TBC1D9B: variants seen among roughly 807,000 people sequenced by gnomAD.
TBC1D9B encodes TBC1 domain family member 9B.
Under a neutral mutation model 121.1 loss-of-function variants are expected in TBC1D9B, and 87 were observed. That is an observed-to-expected ratio of 0.72 (90% CI 0.60 to 0.86). The LOEUF (loss-of-function observed/expected upper bound fraction) is 0.86. Ranked by LOEUF, TBC1D9B falls within the 40% of genes least tolerant of loss-of-function variation. The pLI is 0.00. For synonymous variants in TBC1D9B, 668 were observed against 670.1 expected (o/e 1.00, Z 0.05); for missense variants, 1,540 against 1,628.6 (o/e 0.95, Z 0.94).
intron 7 of TBC1D9B, among the ~76,000 whole-genome samples, chr5:179,886,577 C>T (rs988416028): frequency 2.0e-5 from 3 of 152,216 alleles, no homozygotes; most frequent in African/African-American, 4.8e-5. Context: ...CCTTCCCATG[C>T]GCTCACTGAC....
rs1759903415 is a variant in TBC1D9B, at chr5:179,863,397, G to A, written c.*51C>T. 6.4e-7 allele frequency: 1 copy of A among 1,566,766 alleles called. No homozygotes were observed. Among genetic ancestry groups the A allele is most frequent in the South Asian group, 1.2e-5 (1 of 83,894 alleles). On this transcript the variant is annotated 3_prime_UTR_variant, in exon 21 of 21. Coordinates refer to ENST00000355235, the MANE Select transcript of TBC1D9B (RefSeq NM_015043.4). The surrounding 1 kb of genome is among the most constrained non-coding windows in gnomAD (Gnocchi z 4.5). ...TAAGGGAGGAAAGGCAGGAGGAGAT[G>A]AGGCCAGCCCCACTGATGACACCTT... is the stretch of plus-strand genomic sequence containing the variant.
Position 179,904,089 on chromosome 5 carries a change from C to G in TBC1D9B, c.229+613G>C, listed in dbSNP as rs958977729. Among the ~76,000 whole-genome samples the G allele has an allele frequency of 1.3e-5, 2 of 152,192 alleles. No individual in the cohort carries two copies. Among genetic ancestry groups the G allele is most frequent in the African/African-American group, 4.8e-5 (2 of 41,448 alleles). Reference sequence around the variant, plus strand: ...ATATGGAATCTTTGAATGAGGCCGACTACGTCTACCTTGAGAAAAGGTGGC... The same window carrying G: ...ATATGGAATCTTTGAATGAGGCCGAGTACGTCTACCTTGAGAAAAGGTGGC... On this transcript the variant is annotated intron_variant, in intron 2 of 20. Transcript: ENST00000355235. This position sits in a 1 kb window ranked among gnomAD's most constrained non-coding sequence, Gnocchi z 4.2.
chr5:179,863,588 C>A lies in TBC1D9B; in HGVS notation c.3562G>T (p.Ala1188Ser). 1 of 1,614,160 alleles carries A rather than the reference C, an allele frequency of 6.2e-7. No homozygotes were observed. The highest frequency in any genetic ancestry group is 1.6e-4 in the Middle Eastern group (1 of 6,062). Residue 1188 changes from alanine (A) to serine (S), a missense_variant, in exon 21 of 21, where the codon GCC becomes TCC. Coordinates refer to ENST00000355235, the MANE Select transcript of TBC1D9B (RefSeq NM_015043.4). The surrounding 1 kb of genome is among the most constrained non-coding windows in gnomAD (Gnocchi z 4.5). Reference protein sequence around the residue: ...DWCISFEQILASILTESVLVN... With the variant: ...DWCISFEQILSSILTESVLVN... ...AGCACGGACTCCGTCAGGATGGAGGCCAGGATCTGCTCAAAGGAGATGCAC... is the reference window on the plus strand; with the variant it reads ...AGCACGGACTCCGTCAGGATGGAGGACAGGATCTGCTCAAAGGAGATGCAC...
Position 179,890,665 on chromosome 5 carries a change from T to C in TBC1D9B, c.1044+714A>G, listed in dbSNP as rs746045335. Among the ~76,000 whole-genome samples, 33 of 152,206 alleles carry C rather than the reference T, an allele frequency of 2.2e-4. 1 individual carries two copies. Among genetic ancestry groups the C allele is most frequent in the Non-Finnish European group, 4.1e-4 (28 of 68,028 alleles). ...GTTAAGAATCTCACTTGATTCTTCT[T>C]ATAATTAAACAGTCAGAGCCCTGCT... On this transcript the variant is annotated intron_variant, in intron 6 of 20. Transcript: ENST00000355235. This position sits in a 1 kb window ranked among gnomAD's most constrained non-coding sequence, Gnocchi z 5.0.
At chr5:179,868,399 T>A (rs1760084735) in intron 17 of TBC1D9B, 1 of 152,278 alleles carries the variant, frequency 6.6e-6, no homozygotes. Context: ...CAGGCTGGTC[T>A]CCAACTCCTG....
Position 179,869,841 on chromosome 5 carries a change from A to G in TBC1D9B, c.2726-7T>C. The G allele has an allele frequency of 6.5e-7, 1 of 1,544,126 alleles. No homozygotes were observed. The highest frequency in any genetic ancestry group is 2.3e-5 in the East Asian group (1 of 44,232). The stretch of plus-strand genomic sequence containing the variant: ...TCCCCGTGGTACATCCCGCCTGTGG[A>G]GAAGGCCAGGGAGGGCTGGGTCTGG... On this transcript the variant is annotated splice_polypyrimidine_tract_variant and splice_region_variant and intron_variant, in intron 16 of 20. Coordinates refer to ENST00000355235, the MANE Select transcript of TBC1D9B (RefSeq NM_015043.4).
chr5:179,870,598 C>A, intron 15 of TBC1D9B, 103 bp from the exon 16 acceptor site: 1 of 1,457,644 alleles, frequency 6.9e-7, no homozygotes, highest in Non-Finnish European at 9.0e-7. Flanking sequence ...TCCAAGCCTG[C>A]GGAGCCCTGG....
rs1331396539 is a variant in TBC1D9B at position 179,904,585 on chromosome 5, G to A, written c.229+117C>T. 2.2e-6 allele frequency: 2 copies of A among 889,656 alleles called. No individual in the cohort carries two copies. The highest frequency in any genetic ancestry group is 3.5e-6 in the Non-Finnish European group (2 of 566,902). 55.1% of individuals were successfully genotyped at this position (889,656 alleles called of 1,614,324 possible). ...CTCCACTTCCCTCTTGCAGCCTTGG[G>A]CTATGCTGTCAGCAGGGAATACCAC... On this transcript the variant is annotated intron_variant, in intron 2 of 20. Transcript: ENST00000355235. This position sits in a 1 kb window ranked among gnomAD's most constrained non-coding sequence, Gnocchi z 4.2.
chr5:179,882,113 T>G (rs111757286), intron 7 of TBC1D9B, among the ~76,000 whole-genome samples: 2 of 151,864 alleles, frequency 1.3e-5, no homozygotes, highest in African/African-American at 4.8e-5. Flanking sequence ...CCCGGCTAAT[T>G]TTTGTATTTT....
Position 179,865,761 on chromosome 5 carries a change from G to T in TBC1D9B, c.2914+77C>A. On this transcript the variant is annotated intron_variant, in intron 19 of 20. Transcript: ENST00000355235. This position sits in a 1 kb window ranked among gnomAD's most constrained non-coding sequence, Gnocchi z 5.1. ...CCGGGGTAGGGGGCTCCCTGGCAGT[G>T]ACTGGGGAAAAGACCAGCAAGCAAG... is the stretch of plus-strand genomic sequence containing the variant. 1 of 1,486,156 alleles carries T rather than the reference G, an allele frequency of 6.7e-7. No individual in the cohort carries two copies. The highest frequency in any genetic ancestry group is 1.3e-5 in the South Asian group (1 of 75,624). 92.1% of individuals were successfully genotyped at this position (1,486,156 alleles called of 1,614,324 possible). A position where few individuals can be genotyped will look rare whatever the true frequency, so the allele number is the denominator to read the frequency against.
chr5:179,906,124 G>A (rs939615593), intron 1 of TBC1D9B, among the ~76,000 whole-genome samples: 6 of 152,168 alleles, frequency 3.9e-5, no homozygotes, highest in Admixed American at 3.9e-4. Context: ...GAAAAGTCTA[G>A]GTTGGCATGT....
chr5:179,893,491 C>T (rs771951936), intron 4 of TBC1D9B, 24 bp from the exon 5 acceptor site: 3 of 1,570,392 alleles, frequency 1.9e-6, no homozygotes, highest in South Asian at 2.4e-5. Flanking sequence ...GATAGACACA[C>T]CGCAAGTTAG....
At chr5:179,886,835 A>G in intron 7 of TBC1D9B, among the ~76,000 whole-genome samples, 1 of 152,230 alleles carries the variant, frequency 6.6e-6, no homozygotes, top group Non-Finnish European at 1.5e-5. Context: ...GCAGCAGCAC[A>G]TCCATCTTGT....
Position 179,875,252 on chromosome 5 carries a change from C to G in TBC1D9B, c.1901-65G>C. 6.4e-7 allele frequency: 1 copy of G among 1,561,912 alleles called. No individual in the cohort carries two copies. Among genetic ancestry groups the G allele is most frequent in the Non-Finnish European group, 8.6e-7 (1 of 1,158,474 alleles). ...TGTGGCCTGGGTGGGCCCTCACCTG[C>G]AGCGTACGAGCCCTGGCCACTCCAG... On this transcript the variant is annotated intron_variant, in intron 11 of 20. Transcript: ENST00000355235. The surrounding 1 kb of genome is among the most constrained non-coding windows in gnomAD (Gnocchi z 4.5).
In TBC1D9B at chr5:179,889,988, C is replaced by A. The variant is rs114927468; in HGVS notation, c.1044+1391G>T. Among the ~76,000 whole-genome samples the A allele has an allele frequency of 5.0e-3, 755 of 151,162 alleles. 9 individuals carry two copies. The highest frequency in any genetic ancestry group is 0.017 in the African/African-American group (717 of 41,082). The stretch of plus-strand genomic sequence containing the variant: ...CGTGGAGAGGAAGGGCTGAGCTCTG[C>A]GGGGTGAGCTGGCAAGACATGCTGT... On this transcript the variant is annotated intron_variant, in intron 6 of 20. Coordinates refer to ENST00000355235, the MANE Select transcript of TBC1D9B (RefSeq NM_015043.4).
rs1760871126 is a variant in TBC1D9B, at chr5:179,891,688, G to T, written c.837-102C>A. 2.3e-6 allele frequency: 3 copies of T among 1,330,768 alleles called. No homozygotes were observed. The highest frequency in any genetic ancestry group is 3.9e-5 in the Admixed American group (2 of 51,904). 82.4% of individuals were successfully genotyped at this position (1,330,768 alleles called of 1,614,324 possible). A position where few individuals can be genotyped will look rare whatever the true frequency, so the allele number is the denominator to read the frequency against. ...CCTCCCCAGGCCTGTTTCCACATCA[G>T]ATTCAGGATCCCTGGGGTGGTCCCT... On this transcript the variant is annotated intron_variant, in intron 5 of 20. Transcript: ENST00000355235. This position sits in a 1 kb window ranked among gnomAD's most constrained non-coding sequence, Gnocchi z 4.3.
intron 7 of TBC1D9B, among the ~76,000 whole-genome samples, chr5:179,887,270 T>C (rs1295351996): frequency 2.0e-5 from 3 of 152,248 alleles, no homozygotes; most frequent in Non-Finnish European, 2.9e-5. Context: ...GAGAGGTGGC[T>C]GGTTGCCAGA....
At chr5:179,870,544 C>T (rs746309981) in intron 15 of TBC1D9B, 49 bp from the exon 16 acceptor site, 9 of 1,552,148 alleles carry the variant, frequency 5.8e-6, no homozygotes, top group East Asian at 4.6e-5. Context: ...GCCTGTGGGT[C>T]GAGGGGACCC....
chr5:179,891,261 A>T lies in TBC1D9B; in HGVS notation c.1044+118T>A. Reference sequence around the variant, plus strand: ...TGAGTGACATGTGACTGCCTGGGCTAGGGCATCCTCCCAGGTACCCCCCAG... The same window carrying T: ...TGAGTGACATGTGACTGCCTGGGCTTGGGCATCCTCCCAGGTACCCCCCAG... On this transcript the variant is annotated intron_variant, in intron 6 of 20. Coordinates refer to ENST00000355235, the MANE Select transcript of TBC1D9B (RefSeq NM_015043.4). This position sits in a 1 kb window ranked among gnomAD's most constrained non-coding sequence, Gnocchi z 4.3. 2 of 1,176,090 alleles carry T rather than the reference A, an allele frequency of 1.7e-6. No homozygotes were observed. The highest frequency in any genetic ancestry group is 2.5e-6 in the Non-Finnish European group (2 of 813,676). 72.9% of individuals were successfully genotyped at this position (1,176,090 alleles called of 1,614,324 possible).
Sources: allele counts gnomAD v4.1 joint callset (sites outside exome capture counted in the v4.1 genomes callset), GRCh38; gene constraint gnomAD v4.1.1; non-coding constraint Gnocchi (gnomAD v3.1); transcripts MANE v1.5; gene names NCBI Gene and HGNC (gene_info 2026-07-23, HGNC 2026-07-21).